SYNE1: variants seen among roughly 807,000 people sequenced by gnomAD.
The protein encoded by SYNE1 is spectrin repeat containing nuclear envelope protein 1, also known as nesprin-1.
Under a neutral mutation model 1,111.0 loss-of-function variants are expected in SYNE1, and 616 were observed. The ratio of observed to expected loss-of-function variants is 0.55; its 90% confidence interval spans 0.52 to 0.59. The LOEUF is 0.59. Among genes scored for constraint, SYNE1 ranks in the 20% least tolerant of loss-of-function variants. SYNE1 has a pLI of 0.00. For synonymous variants in SYNE1, 3,855 were observed against 3,825.8 expected, an observed-to-expected ratio of 1.01 and a Z score of -0.28; for missense variants, 10,006 against 10,417.0, an observed-to-expected ratio of 0.96 and a Z score of 1.72.
chr6:152,159,756 C>T (rs1056555061), intron 131 of SYNE1, among the ~76,000 whole-genome samples: 4 of 152,038 alleles, frequency 2.6e-5, no homozygotes, highest in African/African-American at 4.8e-5. Context: ...AGGGGTGAGC[C>T]GCCACATTCA....
In SYNE1 at chr6:152,239,341, C is replaced by A. The variant is rs566867738; in HGVS notation, c.20067+192G>T. 2.4e-4 allele frequency among the ~76,000 whole-genome samples: 36 copies of A among 152,210 alleles called. No individual in the cohort carries two copies. The East Asian group carries it at 6.6e-3, about 28-fold the overall frequency. ...ACTTTCGACATGGCACAGCAGATAGCCCAATGTACACAGAAAACACAGGGG... is the reference window on the plus strand; with the variant it reads ...ACTTTCGACATGGCACAGCAGATAGACCAATGTACACAGAAAACACAGGGG... On this transcript the variant is annotated intron_variant, in intron 108 of 145. Coordinates refer to ENST00000367255, the MANE Select transcript of SYNE1 (RefSeq NM_182961.4).
At chr6:152,542,217 G>A (rs990673049) in intron 3 of SYNE1, among the ~76,000 whole-genome samples, 3 of 152,108 alleles carry the variant, frequency 2.0e-5, no homozygotes, top group Admixed American at 2.0e-4. Context: ...AAGCCCAGGA[G>A]GACAGCAACT....
intron 25 of SYNE1, 53 bp downstream of exon 25, chr6:152,453,533 A>C: frequency 6.2e-7 from 1 of 1,613,850 alleles, no homozygotes; most frequent in Non-Finnish European, 8.5e-7. Context: ...TAACACGCTC[A>C]AGCTTCTCCC....
chr6:152,596,098 TAAAAAAA>T (rs71017542), intron 3 of SYNE1, among the ~76,000 whole-genome samples: 18 of 18,576 alleles, frequency 9.7e-4, no homozygotes, highest in Non-Finnish European at 1.0e-3. Context: ...AAGGGCAATC[TAAAAAAA>T]AAAAAAAAAA....
intron 112 of SYNE1, among the ~76,000 whole-genome samples, chr6:152,233,485 A>G (rs2083259211): frequency 6.6e-6 from 1 of 151,924 alleles, no homozygotes; most frequent in Non-Finnish European, 1.5e-5. Context: ...CCGCCACGCC[A>G]GGCTAATTTT....
chr6:152,369,973 ACT>A (rs1216900626), intron 59 of SYNE1, among the ~76,000 whole-genome samples: 1 of 96,740 alleles, frequency 1.0e-5, no homozygotes, highest in African/African-American at 4.6e-5. Flanking sequence ...ACAGAGGGTG[ACT>A]CTGTCTCAAA....
chr6:152,353,416 C>T lies in SYNE1; in HGVS notation c.11100G>A (p.Leu3700=), dbSNP rs2096776396. ...LLQVLEQIKF[L]EEEIQSLEES... is the part of the protein sequence containing the mutation. ...CCTCCAAACTCTGAATCTCCTCCTC[C>T]AGGAATTTTATTTGTTCCTATGAAA... Residue 3700 remains leucine (L), a synonymous_variant, in exon 69 of 146, where the codon CTG becomes CTA. Transcript: ENST00000367255. 1 of 1,614,036 alleles carries T rather than the reference C, an allele frequency of 6.2e-7. No individual in the cohort carries two copies. Among genetic ancestry groups the T allele is most frequent in the Non-Finnish European group, 8.5e-7 (1 of 1,180,040 alleles).
At position 152,398,660 on chromosome 6, in the gene SYNE1, C is replaced by T. The variant is rs140948068; in HGVS notation, c.7309G>A (p.Gly2437Ser). 43 of 1,613,966 alleles carry T rather than the reference C, an allele frequency of 2.7e-5. No homozygotes were observed. The highest frequency in any genetic ancestry group is 6.7e-5 in the Admixed American group (4 of 60,008). ...AAAKESSDRT[G>S]DSKVLEAKLH... is the part of the protein sequence containing the mutation. The stretch of plus-strand genomic sequence containing the variant: ...TTTGCTTCTAGAACTTTGCTGTCAC[C>T]GGTGCGATCTGATGATTCTTTTGCT... The change falls in exon 49 of 146, where the codon GGT becomes AGT. Residue 2437 changes from glycine to serine, a missense_variant. This residue lies in a region of SYNE1 where 4,955 missense variants were observed against 5,017.2 expected (regional missense o/e 0.99). Transcript: ENST00000367255.
At chr6:152,358,889 G>T (rs545928910) in intron 65 of SYNE1, among the ~76,000 whole-genome samples, 172 of 152,218 alleles carry the variant, frequency 1.1e-3, no homozygotes, top group African/African-American at 4.0e-3. Flanking sequence ...AGATTTGGAC[G>T]TACTGTGGAT....
At chr6:152,353,210 G>C in intron 69 of SYNE1, 53 bp downstream of exon 69, 1 of 1,603,528 alleles carries the variant, frequency 6.2e-7, no homozygotes, top group Non-Finnish European at 8.5e-7. Context: ...AGGAGAATGG[G>C]GCAGCTTGGT....
Position 152,321,801 on chromosome 6 carries a change from C to G in SYNE1, c.16003G>C (p.Val5335Leu). Residue 5335 changes from valine to leucine, a missense_variant, in exon 83 of 146, where the codon GTG becomes CTG. Transcript: ENST00000367255. ...REMVETQINSVKCWVQETKEY... is the reference protein window; with the variant it reads ...REMVETQINSLKCWVQETKEY... ...TTCGTTTCCTGAACCCAACATTTCA[C>G]AGAATTGATCTGAGTCTCCACCATT... The G allele has an allele frequency of 6.2e-7, 1 of 1,614,006 alleles. No homozygotes were observed. The highest frequency in any genetic ancestry group is 8.5e-7 in the Non-Finnish European group (1 of 1,179,960).
At chr6:152,440,567 ATTTT>A (rs10700163) in intron 32 of SYNE1, among the ~76,000 whole-genome samples, 2 of 122,726 alleles carry the variant, frequency 1.6e-5, no homozygotes, top group Admixed American at 8.8e-5. Context: ...TTGCCTCCAG[ATTTT>A]TTTTTTTTTT....
intron 3 of SYNE1, among the ~76,000 whole-genome samples, chr6:152,626,238 T>C (rs1011239469): frequency 2.6e-5 from 4 of 152,172 alleles, no homozygotes; most frequent in African/African-American, 4.8e-5. Context: ...CTGATTCTGA[T>C]TGAGTTTATT....
rs780437149 is a variant in SYNE1, at chr6:152,326,066, C to T, written c.15330G>A (p.Arg5110=). Residue 5110 remains arginine (R), a synonymous_variant, in exon 80 of 146, where the codon AGG becomes AGA. Coordinates refer to ENST00000367255, the MANE Select transcript of SYNE1 (RefSeq NM_182961.4). ...CATTCATCAATTCAATAACCTCTTC[C>T]CTTGCTTTCTGGTAATCGTGCCATT... ...TAQWHDYQKA[R]EEVIELMNDT... 3.1e-6 allele frequency: 5 copies of T among 1,613,996 alleles called. No homozygotes were observed. In the South Asian group the frequency reaches 3.3e-5, roughly 11 times the overall value.
intron 101 of SYNE1, among the ~76,000 whole-genome samples, 159 bp from the exon 102 acceptor site, chr6:152,256,924 CAG>C (rs1427860101): frequency 1.3e-5 from 2 of 151,044 alleles, no homozygotes; most frequent in Non-Finnish European, 2.9e-5. Flanking sequence ...CCACTGAACA[CAG>C]TGGCCAGATG....
chr6:152,201,505 T>C (rs1205931965), intron 127 of SYNE1, among the ~76,000 whole-genome samples: 1 of 151,952 alleles, frequency 6.6e-6, no homozygotes, highest in Non-Finnish European at 1.5e-5. Flanking sequence ...GTAGACTCGA[T>C]TCTTCTGGTA....
chr6:152,163,168 T>C (rs1177326809), intron 131 of SYNE1, among the ~76,000 whole-genome samples: 1 of 152,178 alleles, frequency 6.6e-6, no homozygotes, highest in Non-Finnish European at 1.5e-5. Flanking sequence ...TTACAGTGTT[T>C]GCTATTGGCA....
chr6:152,325,060 G>T (rs2096019744), intron 81 of SYNE1, 24 bp downstream of exon 81: 7 of 1,611,356 alleles, frequency 4.3e-6, no homozygotes, highest in Non-Finnish European at 5.9e-6. Context: ...AAAGAAAGGT[G>T]AGCCCATGGA....
At chr6:152,596,978 T>TGG (rs2099583850) in intron 3 of SYNE1, among the ~76,000 whole-genome samples, 1 of 152,194 alleles carries the variant, frequency 6.6e-6, no homozygotes, top group Non-Finnish European at 1.5e-5. Flanking sequence ...GGGGAAAATG[T>TGG]GGGCACTAAA....
Sources: allele counts gnomAD v4.1 joint callset (sites outside exome capture counted in the v4.1 genomes callset), GRCh38; gene constraint gnomAD v4.1.1; regional missense constraint gnomAD v4.1.1; transcripts MANE v1.5; gene names NCBI Gene and HGNC (gene_info 2026-07-23, HGNC 2026-07-21).